PAK3: variants seen among roughly 807,000 people sequenced by gnomAD.
The protein encoded by PAK3 is p21 (RAC1) activated kinase 3, also known as serine/threonine-protein kinase PAK 3.
A neutral mutation model predicts 41.0 loss-of-function variants in PAK3; 4 were observed. The ratio of observed to expected loss-of-function variants is 0.10; its 90% confidence interval spans 0.05 to 0.22. The LOEUF is 0.22. Ranked by LOEUF, PAK3 falls within the 10% of genes least tolerant of loss-of-function variation. The pLI is 1.00. For missense variants in PAK3, 205 were observed against 409.9 expected (o/e 0.50, Z 4.32); for synonymous variants, 146 against 139.6 (o/e 1.05, Z -0.32).
chrX:110,978,902 T>C (rs2091393571), intron 1 of PAK3, among the ~76,000 whole-genome samples: 2 of 111,692 alleles, frequency 1.8e-5, no homozygotes, highest in South Asian at 7.5e-4. Context: ...GAATTGGTGT[T>C]AATTCTTCTT....
intron 1 of PAK3, among the ~76,000 whole-genome samples, chrX:111,008,085 G>A (rs887090142): frequency 1.1e-4 from 12 of 112,282 alleles, no homozygotes; most frequent in Non-Finnish European, 2.3e-4. Flanking sequence ...TCAAGAAATG[G>A]AAGATAGTCA....
chrX:111,184,917 C>T (rs192687887), intron 11 of PAK3, among the ~76,000 whole-genome samples: 189 of 111,584 alleles, frequency 1.7e-3, no homozygotes, highest in Admixed American at 5.8e-3. Context: ...ATATGCCCAG[C>T]AATGGGATTG....
Position 111,078,171 on chromosome X carries a change from G to A in PAK3, c.-27-44906G>A, listed in dbSNP as rs755455048. 5.5e-4 allele frequency among the ~76,000 whole-genome samples: 61 copies of A among 111,176 alleles called. 1 individual carries two copies. Among genetic ancestry groups the A allele is most frequent in the Non-Finnish European group, 1.0e-3 (54 of 52,960 alleles). On this transcript the variant is annotated intron_variant, in intron 1 of 14. Coordinates refer to the PAK3 transcript ENST00000425146. ...AATATGGAAGATAAGTTTTGGTGAG[G>A]ATGTGGAGAAAGGGGAGCCTATGTA...
intron 4 of PAK3, among the ~76,000 whole-genome samples, chrX:111,112,072 C>A (rs1450490235): frequency 1.8e-5 from 2 of 111,661 alleles, no homozygotes; most frequent in African/African-American, 3.2e-5. Flanking sequence ...AGTCTTCAAC[C>A]TTAGACATCT....
At chrX:110,963,978 A>G (rs889904381) in intron 1 of PAK3, among the ~76,000 whole-genome samples, 3 of 112,248 alleles carry the variant, frequency 2.7e-5, no homozygotes, top group Non-Finnish European at 5.6e-5. Context: ...CAACATCCGA[A>G]TCATCTGAAG....
intron 1 of PAK3, among the ~76,000 whole-genome samples, chrX:111,088,547 G>T (rs1293272640): frequency 8.9e-6 from 1 of 111,847 alleles, no homozygotes; most frequent in Non-Finnish European, 1.9e-5. Context: ...TGAGCCTCTA[G>T]GTAGATTCTA....
intron 16 of PAK3, among the ~76,000 whole-genome samples, chrX:111,204,447 T>C (rs1465964119): frequency 1.8e-5 from 2 of 111,715 alleles, no homozygotes; most frequent in African/African-American, 6.5e-5. Flanking sequence ...AGATCAAAGT[T>C]AATTCTAAAG....
chrX:111,091,324 A>G (rs2092927475), upstream of PAK3, among the ~76,000 whole-genome samples: 3 of 111,259 alleles, frequency 2.7e-5, no homozygotes, highest in African/African-American at 9.8e-5. Flanking sequence ...TGTAAATGCG[A>G]CTCATCAAGT....
intron 16 of PAK3, among the ~76,000 whole-genome samples, chrX:111,205,739 G>A (rs1378360739): frequency 9.0e-6 from 1 of 111,056 alleles, no homozygotes; most frequent in African/African-American, 3.3e-5. Context: ...TTATGTACGG[G>A]CCTGTTCAGC....
At chrX:111,116,321 T>C (rs753756090) in intron 4 of PAK3, among the ~76,000 whole-genome samples, 12 of 111,880 alleles carry the variant, frequency 1.1e-4, no homozygotes, top group African/African-American at 3.6e-4. Context: ...CTCTATTCTT[T>C]ATGGATCTTA....
chrX:111,081,326 T>C (rs1008878497), intron 1 of PAK3, among the ~76,000 whole-genome samples: 9 of 111,065 alleles, frequency 8.1e-5, no homozygotes, highest in Non-Finnish European at 1.3e-4. Context: ...CTGGGCAACA[T>C]GGCAAAACCC....
At chrX:110,997,898 G>A (rs1000583455) in intron 1 of PAK3, among the ~76,000 whole-genome samples, 6 of 111,336 alleles carry the variant, frequency 5.4e-5, no homozygotes, top group Admixed American at 9.6e-5. Context: ...TGAGGACACA[G>A]CAAGAAGATG....
Position 110,950,927 on chromosome X carries a change from G to A in PAK3, c.-28+6299G>A, listed in dbSNP as rs1602508295. ...CACAATTTACCTTCCCATCAACAGT[G>A]GCCATTTCTCCACACTCTTCCTCAT... On this transcript the variant is annotated intron_variant, in intron 1 of 14. Transcript: ENST00000425146. Among the ~76,000 whole-genome samples the A allele has an allele frequency of 2.7e-5, 3 of 110,799 alleles. No individual in the cohort carries two copies. In the Admixed American group the frequency reaches 2.9e-4, roughly 11 times the overall value.
At chrX:110,960,476 G>A (rs935404646) in intron 1 of PAK3, among the ~76,000 whole-genome samples, 9 of 111,796 alleles carry the variant, frequency 8.1e-5, no homozygotes, top group Admixed American at 5.7e-4. Flanking sequence ...AAGTGCAAAT[G>A]TCCTGGGACA....
At chrX:111,133,233 C>T (rs1258035624) in intron 5 of PAK3, among the ~76,000 whole-genome samples, 1 of 111,399 alleles carries the variant, frequency 9.0e-6, no homozygotes, top group Non-Finnish European at 1.9e-5. Context: ...TTCTCATTTC[C>T]TCATCAACAT....
intron 16 of PAK3, among the ~76,000 whole-genome samples, chrX:111,206,017 A>G (rs1464310808): frequency 9.0e-6 from 1 of 111,491 alleles, no homozygotes; most frequent in Non-Finnish European, 1.9e-5. Flanking sequence ...AACCAAGTAT[A>G]CACAGTATTT....
intron 8 of PAK3, among the ~76,000 whole-genome samples, chrX:111,162,362 A>G (rs2094201461): frequency 8.9e-6 from 1 of 111,976 alleles, no homozygotes; most frequent in Non-Finnish European, 1.9e-5. Flanking sequence ...TTAGATCTTC[A>G]TGTCTATTAC....
intron 8 of PAK3, among the ~76,000 whole-genome samples, chrX:111,157,281 C>T (rs752970174): frequency 9.0e-6 from 1 of 111,537 alleles, no homozygotes; most frequent in South Asian, 3.8e-4. Context: ...CTTCTAAGTT[C>T]TTTGACCTTT....
chrX:111,162,312 T>C (rs1461844709), intron 8 of PAK3, among the ~76,000 whole-genome samples: 5 of 112,063 alleles, frequency 4.5e-5, no homozygotes, highest in African/African-American at 9.7e-5. Flanking sequence ...ATTTAACTCA[T>C]GGTTAATATT....
Sources: gnomAD v4.1 joint callset for allele counts (sites outside exome capture counted in the v4.1 genomes callset) on GRCh38, gnomAD v4.1.1 for gene constraint, MANE v1.5 for transcripts, NCBI Gene and HGNC (gene_info 2026-07-23, HGNC 2026-07-21) for gene names.